Variants in PACSIN1 observed in about 807,000 individuals in gnomAD.
PACSIN1 encodes protein kinase C and casein kinase substrate in neurons 1, also known as protein kinase C and casein kinase substrate in neurons protein 1.
A neutral mutation model predicts 59.5 loss-of-function variants in PACSIN1; 15 were observed. The ratio of observed to expected loss-of-function variants is 0.25; its 90% CI spans 0.17 to 0.39. The LOEUF is 0.39. Among genes scored for constraint, PACSIN1 ranks in the 10% least tolerant of loss-of-function variants. The probability of loss-of-function intolerance (pLI) is 1.00; values close to 1 mark genes in which losing one functional copy is unlikely to be tolerated. For missense variants in PACSIN1, 420 were observed against 580.2 expected (o/e 0.72, Z 2.84); for synonymous variants, 210 against 220.6 (o/e 0.95, Z 0.42).
intron 1 of PACSIN1, among the ~76,000 whole-genome samples, chr6:34,470,403 A>C: frequency 6.6e-6 from 1 of 150,594 alleles, no homozygotes; most frequent in East Asian, 2.0e-4. Flanking sequence ...CTGGTCTTGA[A>C]CTCCTGACCT....
intron 1 of PACSIN1, among the ~76,000 whole-genome samples, chr6:34,509,245 C>T (rs1767163497): frequency 6.6e-6 from 1 of 152,100 alleles, no homozygotes; most frequent in Non-Finnish European, 1.5e-5. Flanking sequence ...AGCAGTTTTC[C>T]CATCACCATT....
At chr6:34,472,587 A>G (rs1309582964) in intron 1 of PACSIN1, among the ~76,000 whole-genome samples, 1 of 152,238 alleles carries the variant, frequency 6.6e-6, no homozygotes, top group South Asian at 2.1e-4. Flanking sequence ...ATGAGCACGT[A>G]AACTCCATTC....
Position 34,518,653 on chromosome 6 carries a change from G to A in PACSIN1, c.-63-7590G>A, listed in dbSNP as rs1010259897. Among the ~76,000 whole-genome samples, 1 of 152,248 alleles carries A rather than the reference G, an allele frequency of 6.6e-6. No homozygotes were observed. The highest frequency in any genetic ancestry group is 2.4e-5 in the African/African-American group (1 of 41,456). The stretch of plus-strand genomic sequence containing the variant: ...CACTCCCGCTGGAGAGCTCTGGGAG[G>A]GGTTTTGAACACACCTTTGACTCAG... On this transcript the variant is annotated intron_variant, in intron 1 of 9. Transcript: ENST00000244458. The surrounding 1 kb of genome is among the most constrained non-coding windows in gnomAD (Gnocchi z 4.4).
intron 1 of PACSIN1, among the ~76,000 whole-genome samples, chr6:34,506,654 C>T (rs1328373543): frequency 6.6e-6 from 1 of 152,182 alleles, no homozygotes; most frequent in Non-Finnish European, 1.5e-5. Context: ...TCCAGGTCCC[C>T]TACTTGACCT....
rs770856298 is a variant in PACSIN1 at position 34,533,083 on chromosome 6, G to C, written c.*553G>C. ...CTCCTAGCCACGTCCCTTGGGACCG[G>C]TGGGACTGGAGGAGGAACGGTCACC... On this transcript the variant is annotated 3_prime_UTR_variant, in exon 10 of 10. Coordinates refer to ENST00000244458, the MANE Select transcript of PACSIN1 (RefSeq NM_020804.5). The C allele has an allele frequency of 3.9e-5, 6 of 152,472 alleles. No homozygotes were observed. Among genetic ancestry groups the C allele is most frequent in the Non-Finnish European group, 8.8e-5 (6 of 68,214 alleles). 9.4% of individuals were successfully genotyped at this position (152,472 alleles called of 1,614,324 possible).
intron 1 of PACSIN1, among the ~76,000 whole-genome samples, chr6:34,502,031 C>CAAAAAAAA (rs55848755): frequency 2.1e-4 from 14 of 67,210 alleles, no homozygotes; most frequent in African/African-American, 6.8e-4. Context: ...GACTCTGTCT[C>CAAAAAAAA]AAAAAAAAAA....
chr6:34,532,053 A>G lies in PACSIN1; in HGVS notation c.1225+266A>G, dbSNP rs1443253520. Reference sequence around the variant, plus strand: ...GACGGGTTGCGAGGATTTGCAGGGAACTAAATGGGGCGTGGCCTGGGTTGT... The same window carrying G: ...GACGGGTTGCGAGGATTTGCAGGGAGCTAAATGGGGCGTGGCCTGGGTTGT... On this transcript the variant is annotated intron_variant, in intron 9 of 9. Coordinates refer to ENST00000244458, the MANE Select transcript of PACSIN1 (RefSeq NM_020804.5). The surrounding 1 kb of genome is among the most constrained non-coding windows in gnomAD (Gnocchi z 5.2). 6.6e-6 allele frequency among the ~76,000 whole-genome samples: 1 copy of G among 151,892 alleles called. No individual in the cohort carries two copies. Among genetic ancestry groups the G allele is most frequent in the Non-Finnish European group, 1.5e-5 (1 of 67,966 alleles).
intron 3 of PACSIN1, 24 bp downstream of exon 3, chr6:34,527,512 G>A (rs754516396): frequency 3.2e-6 from 5 of 1,564,146 alleles, no homozygotes; most frequent in Non-Finnish European, 3.5e-6. Flanking sequence ...CTCACATCGT[G>A]CGCGCCCCCA....
rs1356423253 is a variant in PACSIN1, at chr6:34,483,568, G to A, written c.-64+17298G>A. Among the ~76,000 whole-genome samples, 12 of 149,278 alleles carry A rather than the reference G, an allele frequency of 8.0e-5. 1 individual carries two copies. The South Asian group carries it at 2.3e-3, about 29-fold the overall frequency. The stretch of plus-strand genomic sequence containing the variant: ...GAGCTCCAAACCTCCAAACTCCACC[G>A]CTCCCTTTACGTGGTTTCTGGCGCC... On this transcript the variant is annotated intron_variant, in intron 1 of 9. Transcript: ENST00000244458.
At position 34,531,875 on chromosome 6, in the gene PACSIN1, G is replaced by A; in HGVS notation, c.1225+88G>A. The A allele has an allele frequency of 7.7e-7, 1 of 1,303,958 alleles. No homozygotes were observed. The highest frequency in any genetic ancestry group is 1.0e-6 in the Non-Finnish European group (1 of 954,956). 80.8% of individuals were successfully genotyped at this position (1,303,958 alleles called of 1,614,324 possible). A position where few individuals can be genotyped will look rare whatever the true frequency, so the allele number is the denominator to read the frequency against. ...TGCAGGGGCGGTGCCTGAGAGAGAA[G>A]CTTGGGTCTGGATTGGGTGTGTGGT... On this transcript the variant is annotated intron_variant, in intron 9 of 9. Transcript: ENST00000244458. The surrounding 1 kb of genome is among the most constrained non-coding windows in gnomAD (Gnocchi z 4.4).
At chr6:34,503,578 A>G (rs185674843) in intron 1 of PACSIN1, among the ~76,000 whole-genome samples, 2 of 152,202 alleles carry the variant, frequency 1.3e-5, no homozygotes, top group Non-Finnish European at 2.9e-5. Context: ...AATTCCCCTC[A>G]GGTACCAGAG....
rs1581991453 is a variant in PACSIN1 at position 34,534,195 on chromosome 6, G to A, written c.*1665G>A. 1 of 152,664 alleles carries A rather than the reference G, an allele frequency of 6.6e-6. No homozygotes were observed. Among genetic ancestry groups the A allele is most frequent in the Middle Eastern group, 3.4e-3 (1 of 296 alleles). The allele number at this position is 152,664 out of a possible 1,614,324, so 9.5% of individuals were successfully genotyped here. On this transcript the variant is annotated 3_prime_UTR_variant, in exon 10 of 10. Transcript: ENST00000244458. Reference sequence around the variant, plus strand: ...TGCTTCTCCCAACAGCCCACTGTTAGGAGGTAGTAGACCCCAGCCTCAAGG... The same window carrying A: ...TGCTTCTCCCAACAGCCCACTGTTAAGAGGTAGTAGACCCCAGCCTCAAGG...
intron 1 of PACSIN1, among the ~76,000 whole-genome samples, chr6:34,505,100 C>T (rs1000292936): frequency 3.4e-4 from 52 of 151,874 alleles, no homozygotes; most frequent in African/African-American, 1.1e-3. Context: ...ATCCTTGGCC[C>T]CAGGAGGCCT....
chr6:34,486,002 G>A (rs951058171), intron 1 of PACSIN1, among the ~76,000 whole-genome samples: 6 of 152,156 alleles, frequency 3.9e-5, no homozygotes, highest in Non-Finnish European at 8.8e-5. Context: ...GCACTGGGTG[G>A]TCTAGGGGGC....
At position 34,530,537 on chromosome 6, in the gene PACSIN1, C is replaced by G. The variant is rs1230825727; in HGVS notation, c.987C>G (p.Thr329=). The G allele has an allele frequency of 6.2e-7, 1 of 1,608,742 alleles. No individual in the cohort carries two copies. Among genetic ancestry groups the G allele is most frequent in the Non-Finnish European group, 8.5e-7 (1 of 1,177,750 alleles). ...AGAAGGCAGAGGGAGTGGCGCTGACCAATGCCACTGGGGCGGTAGAGTCCA... is the reference window on the plus strand; with the variant it reads ...AGAAGGCAGAGGGAGTGGCGCTGACGAATGCCACTGGGGCGGTAGAGTCCA... ...QPKKAEGVAL[T]NATGAVESTS... The change falls in exon 8 of 10, where the codon ACC becomes ACG. Residue 329 remains threonine, a synonymous_variant. Transcript: ENST00000244458. This position sits in a 1 kb window ranked among gnomAD's most constrained non-coding sequence, Gnocchi z 4.4.
intron 1 of PACSIN1, among the ~76,000 whole-genome samples, chr6:34,497,613 G>A (rs1367856005): frequency 6.6e-6 from 1 of 152,152 alleles, no homozygotes; most frequent in Non-Finnish European, 1.5e-5. Context: ...CTCTGATTCT[G>A]TGAACAGACA....
rs117221157 is a variant in PACSIN1 at position 34,530,917 on chromosome 6, C to T, written c.1037+330C>T. 0.011 allele frequency among the ~76,000 whole-genome samples: 1,696 copies of T among 152,258 alleles called. 45 individuals are homozygous for T. The highest frequency in any genetic ancestry group is 0.094 in the East Asian group (487 of 5,174). On this transcript the variant is annotated intron_variant, in intron 8 of 9. Coordinates refer to ENST00000244458, the MANE Select transcript of PACSIN1 (RefSeq NM_020804.5). This position sits in a 1 kb window ranked among gnomAD's most constrained non-coding sequence, Gnocchi z 4.4. ...CAGTTCACAATAGGGGGGTTGCGCT[C>T]CTATGAGAATCTAACGCCGCGGCTG...
In PACSIN1 at chr6:34,522,884, C is replaced by A. The variant is rs551026876; in HGVS notation, c.-63-3359C>A. 4.9e-4 allele frequency among the ~76,000 whole-genome samples: 75 copies of A among 152,274 alleles called. 1 individual carries two copies. Among genetic ancestry groups the A allele is most frequent in the African/African-American group, 1.8e-3 (75 of 41,556 alleles). On this transcript the variant is annotated intron_variant, in intron 1 of 9. Transcript: ENST00000244458. ...AGCTCCAGAAGAGAGCAAGAACTCACCTTTCCTCTGCCTTTTCCTTCTCTC... is the reference window on the plus strand; with the variant it reads ...AGCTCCAGAAGAGAGCAAGAACTCAACTTTCCTCTGCCTTTTCCTTCTCTC...
intron 1 of PACSIN1, among the ~76,000 whole-genome samples, chr6:34,487,180 A>C (rs1766807530): frequency 6.6e-6 from 1 of 152,130 alleles, no homozygotes; most frequent in Non-Finnish European, 1.5e-5. Context: ...CAATCAGTCA[A>C]TCAGTTAATC....
Sources: gnomAD v4.1 joint callset for allele counts (sites outside exome capture counted in the v4.1 genomes callset) on GRCh38, gnomAD v4.1.1 for gene constraint, Gnocchi (gnomAD v3.1) non-coding constraint, MANE v1.5 for transcripts, NCBI Gene and HGNC (gene_info 2026-07-23, HGNC 2026-07-21) for gene names.